The following AKT2 variants were observed in gnomAD, a reference collection of about 807,000 sequenced individuals.
The protein encoded by AKT2 is RAC-beta serine/threonine-protein kinase.
Under a neutral mutation model 58.6 loss-of-function variants are expected in AKT2, and 16 were observed. The ratio of observed to expected loss-of-function variants is 0.27; its 90% CI spans 0.18 to 0.41. The LOEUF is 0.41. Ranked by LOEUF, AKT2 falls within the 10% of genes least tolerant of loss-of-function variation. The pLI, the probability that AKT2 is intolerant of heterozygous loss-of-function variation, is 1.00. For synonymous variants in AKT2, 253 were observed against 254.0 expected (o/e 1.00, Z 0.04); for missense variants, 438 against 661.0 (o/e 0.66, Z 3.70).
intron 2 of AKT2, among the ~76,000 whole-genome samples, chr19:40,263,700 G>A (rs531627260): frequency 1.3e-5 from 2 of 152,322 alleles, no homozygotes; most frequent in East Asian, 1.9e-4. Context: ...GCTGCTCCCA[G>A]GGAGGGGCGT....
rs187957243 is a variant in AKT2, at chr19:40,230,616, G to A, written c.*3256C>T. 22 of 227,912 alleles carry A rather than the reference G, an allele frequency of 9.7e-5. No homozygotes were observed. The East Asian group carries it at 1.2e-3, about 13-fold the overall frequency. 14.1% of individuals were successfully genotyped at this position (227,912 alleles called of 1,614,324 possible). On this transcript the variant is annotated 3_prime_UTR_variant, in exon 14 of 14. Coordinates refer to ENST00000392038, the MANE Select transcript of AKT2 (RefSeq NM_001626.6). Reference sequence around the variant, plus strand: ...ATGATGCCGTGTCCATTTGCAGAGAGGTAATCAGCACCAAAATGAGTACTC... The same window carrying A: ...ATGATGCCGTGTCCATTTGCAGAGAAGTAATCAGCACCAAAATGAGTACTC...
chr19:40,275,621 T>C (rs2077299980), intron 1 of AKT2: 1 of 270,492 alleles, frequency 3.7e-6, no homozygotes, highest in Admixed American at 4.4e-5. Flanking sequence ...AGAAATGTGG[T>C]TACTAAATGT....
chr19:40,239,212 C>G, intron 7 of AKT2: 1 of 499,606 alleles, frequency 2.0e-6, no homozygotes, highest in East Asian at 3.2e-5. Flanking sequence ...CTGCCTCCAT[C>G]AGGCACAGCC....
At chr19:40,255,318 T>C (rs765719074) in intron 3 of AKT2, 49 bp from the exon 4 acceptor site, 3 of 1,522,086 alleles carry the variant, frequency 2.0e-6, no homozygotes, top group Admixed American at 3.3e-5. Context: ...ATAGCCCTGC[T>C]AGCCTGCAGC....
chr19:40,253,598 G>C (rs546152925), intron 4 of AKT2, among the ~76,000 whole-genome samples: 1 of 152,236 alleles, frequency 6.6e-6, no homozygotes, highest in South Asian at 2.1e-4. Flanking sequence ...CCAAATGTTT[G>C]AAAACACAAG....
In AKT2 at chr19:40,233,857, G is replaced by T; in HGVS notation, c.*15C>A. On this transcript the variant is annotated 3_prime_UTR_variant, in exon 14 of 14. Coordinates refer to ENST00000392038, the MANE Select transcript of AKT2 (RefSeq NM_001626.6). This position sits in a 1 kb window ranked among gnomAD's most constrained non-coding sequence, Gnocchi z 4.3. ...TGATGGCAGCGAGCGTGCGTCCTCT[G>T]CGTGGGCAGACTGCTCACTCGCGGA... 1.2e-6 allele frequency: 2 copies of T among 1,609,576 alleles called. No homozygotes were observed. The highest frequency in any genetic ancestry group is 1.7e-6 in the Non-Finnish European group (2 of 1,179,716).
chr19:40,264,713 G>A (rs192476176), intron 2 of AKT2, among the ~76,000 whole-genome samples: 1 of 151,516 alleles, frequency 6.6e-6, no homozygotes, highest in East Asian at 1.9e-4. Context: ...GCCTCTTGAT[G>A]CCCCCCCGCC....
intron 9 of AKT2, chr19:40,236,609 G>C: frequency 1.6e-6 from 1 of 609,636 alleles, no homozygotes; most frequent in East Asian, 2.9e-5. Context: ...AGCTGGGCAG[G>C]GAGAGCCGAG....
At chr19:40,275,764 T>TGGGGGGGGGGGGGGGGGGGGGGG (rs1004974778) in intron 1 of AKT2, among the ~76,000 whole-genome samples, 2 of 4,752 alleles carry the variant, frequency 4.2e-4, no homozygotes, top group African/African-American at 6.9e-4. Flanking sequence ...TTTGGGAGGC[T>TGGGGGGGGGGGGGGGGGGGGGGG]GGGGGGGGGG....
rs1167782365 is a variant in AKT2, at chr19:40,231,982, A to C, written c.*1890T>G. 4.3e-6 allele frequency: 1 copy of C among 233,308 alleles called. No individual in the cohort carries two copies. Among genetic ancestry groups the C allele is most frequent in the African/African-American group, 2.2e-5 (1 of 45,330 alleles). 14.5% of individuals were successfully genotyped at this position (233,308 alleles called of 1,614,324 possible). ...TGGAATGAACCACTCCCTCTCATTC[A>C]GTGACAGCACAGGCACCCTCCTCAT... On this transcript the variant is annotated 3_prime_UTR_variant, in exon 14 of 14. Transcript: ENST00000392038.
chr19:40,254,541 AAG>A, intron 4 of AKT2, among the ~76,000 whole-genome samples: 1 of 151,300 alleles, frequency 6.6e-6, no homozygotes, highest in Middle Eastern at 3.4e-3. Context: ...AAAAAAAAAA[AAG>A]GGGGTCAGGT....
At chr19:40,239,143 A>C (rs1044572731) in intron 7 of AKT2, 170 bp from the exon 8 acceptor site, 12 of 609,974 alleles carry the variant, frequency 2.0e-5, no homozygotes, top group Non-Finnish European at 3.5e-5. Flanking sequence ...CTTTTGGGGC[A>C]TTAAGTGAAG....
chr19:40,251,479 A>G (rs987461725), intron 4 of AKT2, among the ~76,000 whole-genome samples: 1 of 152,240 alleles, frequency 6.6e-6, no homozygotes, highest in Admixed American at 6.5e-5. Context: ...AAAAGTAAAC[A>G]ACACCAAAAG....
rs767416162 is a variant in AKT2, at chr19:40,238,849, G to C, written c.708+56C>G. 1 of 1,563,080 alleles carries C rather than the reference G, an allele frequency of 6.4e-7. No homozygotes were observed. Among genetic ancestry groups the C allele is most frequent in the South Asian group, 1.1e-5 (1 of 90,052 alleles). ...CTCACCCACAGCTCCTCTCCATCCC[G>C]CCCCACCCTAAAGAAGGAGGCCCCA... On this transcript the variant is annotated intron_variant, in intron 8 of 13. Coordinates refer to ENST00000392038, the MANE Select transcript of AKT2 (RefSeq NM_001626.6). This position sits in a 1 kb window ranked among gnomAD's most constrained non-coding sequence, Gnocchi z 5.1.
chr19:40,236,848 A>C, intron 9 of AKT2: 2 of 212,808 alleles, frequency 9.4e-6, no homozygotes, highest in Non-Finnish European at 1.9e-5. Context: ...ACACAGCGAG[A>C]CCCCATCTCC....
chr19:40,235,795 C>A lies in AKT2; in HGVS notation c.1175+95G>T. The A allele has an allele frequency of 7.6e-7, 1 of 1,315,780 alleles. No individual in the cohort carries two copies. The highest frequency in any genetic ancestry group is 1.0e-6 in the Non-Finnish European group (1 of 968,290). The allele number at this position is 1,315,780 out of a possible 1,614,324, so 81.5% of individuals were successfully genotyped here. On this transcript the variant is annotated intron_variant, in intron 11 of 13. Coordinates refer to ENST00000392038, the MANE Select transcript of AKT2 (RefSeq NM_001626.6). The surrounding 1 kb of genome is among the most constrained non-coding windows in gnomAD (Gnocchi z 6.3). Reference sequence around the variant, plus strand: ...GTGGGGACGACACACTGCGACCCTACAAGCGAGCACCCTTGTGGACGCTGC... The same window carrying A: ...GTGGGGACGACACACTGCGACCCTAAAAGCGAGCACCCTTGTGGACGCTGC...
At position 40,257,037 on chromosome 19, in the gene AKT2, A is replaced by C; in HGVS notation, c.64T>G (p.Trp22Gly). Residue 22 changes from tryptophan (W) to glycine (G), a missense_variant, in exon 3 of 14, where the codon TGG (tryptophan) becomes GGG (glycine). Transcript: ENST00000392038. ...LHKRGEYIKT[W>G]RPRYFLLKSD... ...TTCAGCAGGAAGTACCGTGGCCTCCAGGTCTTGATGTATTCACCTGAAATG... is the reference window on the plus strand; with the variant it reads ...TTCAGCAGGAAGTACCGTGGCCTCCCGGTCTTGATGTATTCACCTGAAATG... 3 of 1,614,172 alleles carry C rather than the reference A, an allele frequency of 1.9e-6. No individual in the cohort carries two copies. The highest frequency in any genetic ancestry group is 2.5e-6 in the Non-Finnish European group (3 of 1,180,000).
intron 1 of AKT2, chr19:40,282,997 G>A (rs1407818266): frequency 6.2e-6 from 1 of 161,682 alleles, no homozygotes. Flanking sequence ...TCTGTAAAAT[G>A]GTATCACACT....
intron 9 of AKT2, 162 bp from the exon 10 acceptor site, chr19:40,236,547 GC>G: frequency 1.0e-6 from 1 of 961,434 alleles, no homozygotes; most frequent in Non-Finnish European, 1.6e-6. Context: ...TCAGAGAGAG[GC>G]CAGATCCAAC....
Sources: allele counts gnomAD v4.1 joint callset (sites outside exome capture counted in the v4.1 genomes callset), GRCh38; gene constraint gnomAD v4.1.1; non-coding constraint Gnocchi (gnomAD v3.1); transcripts MANE v1.5; gene names NCBI Gene and HGNC (gene_info 2026-07-23, HGNC 2026-07-21).